Variants in ULK4 observed in about 807,000 individuals in gnomAD.
ULK4 encodes inactive serine/threonine-protein kinase ULK4.
Under a neutral mutation model 160.6 loss-of-function variants are expected in ULK4, and 133 were observed. The observed-to-expected ratio is 0.83, with a 90% CI of 0.72 to 0.96. The LOEUF is 0.96. Ranked by LOEUF, ULK4 falls within the 40% of genes least tolerant of loss-of-function variation. The probability of loss-of-function intolerance (pLI) is 0.00; values close to 1 mark genes in which losing one functional copy is unlikely to be tolerated. For synonymous variants in ULK4, 534 were observed against 539.8 expected, an observed-to-expected ratio of 0.99 and a Z score of 0.15; for missense variants, 1,580 against 1,499.5, an observed-to-expected ratio of 1.05 and a Z score of -0.89.
chr3:41,907,821 A>C (rs753447994), intron 12 of ULK4, 24 bp downstream of exon 12: 1 of 1,491,328 alleles, frequency 6.7e-7, no homozygotes, highest in Non-Finnish European at 9.0e-7. Context: ...TTATGTAGGA[A>C]GAAAATTTCC....
chr3:41,736,889 C>T (rs183891954), intron 22 of ULK4, among the ~76,000 whole-genome samples: 1,625 of 151,842 alleles, frequency 0.011, 59 homozygotes, highest in African/African-American at 0.037. Context: ...AGGAAGGGAT[C>T]CAGTTTCAGC....
At chr3:41,739,989 A>T (rs939149587) in intron 22 of ULK4, among the ~76,000 whole-genome samples, 5 of 151,942 alleles carry the variant, frequency 3.3e-5, no homozygotes, top group Admixed American at 3.3e-4. Flanking sequence ...TTTATTTATG[A>T]TTTTTGGAAG....
At chr3:41,432,213 A>G (rs1451870501) in intron 34 of ULK4, among the ~76,000 whole-genome samples, 1 of 152,218 alleles carries the variant, frequency 6.6e-6, no homozygotes, top group Non-Finnish European at 1.5e-5. Context: ...GTACTGACAA[A>G]GTAAAATGCA....
chr3:41,691,943 CTTTTT>C (rs751734628), intron 27 of ULK4, among the ~76,000 whole-genome samples: 1 of 96,352 alleles, frequency 1.0e-5, no homozygotes, highest in Non-Finnish European at 1.9e-5. Flanking sequence ...CAAATCACTT[CTTTTT>C]TTTTTTTTTT....
Position 41,455,482 on chromosome 3 carries a change from C to T in ULK4, c.3492+15G>A, listed in dbSNP as rs758331927. 41 of 1,609,102 alleles carry T rather than the reference C, an allele frequency of 2.5e-5. No homozygotes were observed. Among genetic ancestry groups the T allele is most frequent in the Non-Finnish European group, 3.5e-5 (41 of 1,177,290 alleles). On this transcript the variant is annotated intron_variant, in intron 34 of 36. Coordinates refer to ENST00000301831, the MANE Select transcript of ULK4 (RefSeq NM_017886.4). ...CTTCAGTAATGCCCCAAAAGACATA[C>T]AGGTGAGCTCTTACCAGTGGAATGA... is the stretch of plus-strand genomic sequence containing the variant.
chr3:41,927,549 C>T (rs1281455352), intron 5 of ULK4, among the ~76,000 whole-genome samples: 1 of 151,862 alleles, frequency 6.6e-6, no homozygotes, highest in East Asian at 1.9e-4. Flanking sequence ...AAGACATAGA[C>T]TGACAAATTG....
intron 12 of ULK4, among the ~76,000 whole-genome samples, chr3:41,901,641 T>C (rs934918219): frequency 1.3e-5 from 2 of 151,546 alleles, no homozygotes; most frequent in African/African-American, 4.8e-5. Context: ...CACCATGCAC[T>C]GCTAATTTCT....
At chr3:41,542,571 T>C (rs780988663) in intron 32 of ULK4, among the ~76,000 whole-genome samples, 1 of 152,178 alleles carries the variant, frequency 6.6e-6, no homozygotes, top group Non-Finnish European at 1.5e-5. Context: ...TTTTCTATTG[T>C]TTGGAACAAT....
intron 27 of ULK4, among the ~76,000 whole-genome samples, chr3:41,694,034 C>A (rs1288980369): frequency 6.6e-6 from 1 of 152,200 alleles, no homozygotes; most frequent in Non-Finnish European, 1.5e-5. Context: ...CAAATCGTGA[C>A]CTCATTTGGT....
At chr3:41,283,413 A>T (rs1008624019) in intron 35 of ULK4, among the ~76,000 whole-genome samples, 1 of 152,226 alleles carries the variant, frequency 6.6e-6, no homozygotes, top group Non-Finnish European at 1.5e-5. Context: ...TCCACCAATG[A>T]TAGACTGGAT....
At chr3:41,856,577 G>GTA (rs1187428045) in intron 17 of ULK4, among the ~76,000 whole-genome samples, 3 of 58,308 alleles carry the variant, frequency 5.1e-5, no homozygotes, top group Admixed American at 1.7e-4. Flanking sequence ...ATATATATGT[G>GTA]TATATATATA....
intron 34 of ULK4, among the ~76,000 whole-genome samples, chr3:41,432,936 T>C (rs1235996490): frequency 6.6e-6 from 1 of 151,586 alleles, no homozygotes; most frequent in East Asian, 1.9e-4. Flanking sequence ...TGGGTGACTG[T>C]ATTTATAACC....
rs542253453 is a variant in ULK4, at chr3:41,295,978, T to C, written c.3679-46404A>G. 1.8e-4 allele frequency among the ~76,000 whole-genome samples: 28 copies of C among 152,226 alleles called. 1 individual carries two copies. The highest frequency in any genetic ancestry group is 4.4e-5 in the Non-Finnish European group (3 of 68,036). On this transcript the variant is annotated intron_variant, in intron 35 of 36. Transcript: ENST00000301831. ...AGGTTTATAGCAGCTTTACTCATAA[T>C]TGCCAAAATTTGGAAGCAAGCAAGG...
intron 32 of ULK4, among the ~76,000 whole-genome samples, chr3:41,506,192 A>T (rs1972020): frequency 3.9e-5 from 6 of 151,990 alleles, no homozygotes; most frequent in African/African-American, 1.5e-4. Flanking sequence ...TCTTTATTCT[A>T]CTCTGCTAGC....
chr3:41,651,054 A>G (rs374703361), intron 30 of ULK4, among the ~76,000 whole-genome samples: 2 of 151,754 alleles, frequency 1.3e-5, no homozygotes, highest in Admixed American at 6.6e-5. Flanking sequence ...CTACTTCTTT[A>G]TCTCCTCCTC....
intron 17 of ULK4, among the ~76,000 whole-genome samples, chr3:41,843,331 G>A (rs2041980741): frequency 6.6e-6 from 1 of 152,184 alleles, no homozygotes; most frequent in African/African-American, 2.4e-5. Flanking sequence ...ATGAGAAACA[G>A]AATCACTCAT....
chr3:41,551,878 A>G (rs1163189169), intron 32 of ULK4, among the ~76,000 whole-genome samples: 1 of 152,086 alleles, frequency 6.6e-6, no homozygotes, highest in African/African-American at 2.4e-5. Flanking sequence ...AACACTAGCA[A>G]AAAGAATCCA....
chr3:41,765,565 A>T (rs2039134120), intron 21 of ULK4, among the ~76,000 whole-genome samples: 1 of 152,194 alleles, frequency 6.6e-6, no homozygotes, highest in Admixed American at 6.5e-5. Context: ...ATAATAATAA[A>T]AAAAGGAAAA....
At chr3:41,801,605 T>C (rs1432531611) in intron 19 of ULK4, among the ~76,000 whole-genome samples, 1 of 151,602 alleles carries the variant, frequency 6.6e-6, no homozygotes, top group Non-Finnish European at 1.5e-5. Context: ...ATCCCAGTGC[T>C]TTGGGAGGCC....
Sources: allele counts gnomAD v4.1 joint callset (sites outside exome capture counted in the v4.1 genomes callset), GRCh38; gene constraint gnomAD v4.1.1; transcripts MANE v1.5; gene names NCBI Gene and HGNC (gene_info 2026-07-23, HGNC 2026-07-21).